The following GAS7 variants were observed in gnomAD, a reference collection of about 807,000 sequenced individuals.
The protein encoded by GAS7 is growth arrest specific 7.
In GAS7, 28 loss-of-function variants were observed where a neutral mutation model predicts 71.1. The ratio of observed to expected loss-of-function variants is 0.39; its 90% CI spans 0.29 to 0.54. GAS7 has a LOEUF of 0.54. Ranked by LOEUF, GAS7 falls within the 20% of genes least tolerant of loss-of-function variation. The pLI is 0.62. For synonymous variants in GAS7, 258 were observed against 245.8 expected (o/e 1.05, Z -0.46); for missense variants, 436 against 627.8 (o/e 0.69, Z 3.27).
chr17:10,038,564 G>A (rs1477975076), intron 1 of GAS7, among the ~76,000 whole-genome samples: 1 of 151,996 alleles, frequency 6.6e-6, no homozygotes, highest in Admixed American at 6.6e-5. Context: ...AGAACTGAAA[G>A]CAGAGTCCTG....
intron 8 of GAS7, among the ~76,000 whole-genome samples, chr17:9,939,710 C>T (rs947482018): frequency 6.6e-6 from 1 of 151,924 alleles, no homozygotes; most frequent in East Asian, 1.9e-4. Flanking sequence ...CCTGGGTTCA[C>T]GCCATTCTCC....
At chr17:10,005,035 A>G (rs539978630) in intron 2 of GAS7, among the ~76,000 whole-genome samples, 72 of 137,414 alleles carry the variant, frequency 5.2e-4, no homozygotes, top group Middle Eastern at 3.6e-3. Context: ...CTCTCTATAT[A>G]TACATACATA....
chr17:10,110,255 C>T (rs902492712), intron 1 of GAS7, among the ~76,000 whole-genome samples: 1 of 151,856 alleles, frequency 6.6e-6, no homozygotes, highest in Non-Finnish European at 1.5e-5. Flanking sequence ...GCAACATGAA[C>T]GGAACTGGAG....
At chr17:10,187,466 T>C (rs559443103) in intron 1 of GAS7, among the ~76,000 whole-genome samples, 1 of 152,368 alleles carries the variant, frequency 6.6e-6, no homozygotes, top group East Asian at 1.9e-4. Flanking sequence ...AGGTAGGACC[T>C]CTTTTTTAGC....
At position 9,917,352 on chromosome 17, in the gene GAS7, CAG is replaced by C. The variant is rs1322951972; in HGVS notation, c.1318-13_1318-12del. 1.3e-6 allele frequency: 2 copies of C among 1,593,506 alleles called. No homozygotes were observed. Among genetic ancestry groups the C allele is most frequent in the South Asian group, 1.1e-5 (1 of 90,678 alleles). On this transcript the variant is annotated splice_polypyrimidine_tract_variant and intron_variant, in intron 13 of 13. Coordinates refer to ENST00000432992, the MANE Select transcript of GAS7 (RefSeq NM_201433.2). ...CACGGGCTCGACTGTCTGCAAGAGA[CAG>C]AGAAAATGCGACACTGTTAGAGACG...
At chr17:9,991,852 C>A (rs1255566076) in intron 2 of GAS7, among the ~76,000 whole-genome samples, 1 of 151,648 alleles carries the variant, frequency 6.6e-6, no homozygotes, top group Non-Finnish European at 1.5e-5. Flanking sequence ...CATATGACTC[C>A]CATCTTATGG....
At chr17:10,008,789 A>ACACACACG (rs753918022) in intron 2 of GAS7, among the ~76,000 whole-genome samples, 3 of 152,102 alleles carry the variant, frequency 2.0e-5, no homozygotes, top group African/African-American at 4.8e-5. Flanking sequence ...TCTCTCTCAC[A>ACACACACG]CACACACGCA....
chr17:9,995,540 CA>C (rs34223707), intron 2 of GAS7, among the ~76,000 whole-genome samples: 60,511 of 142,738 alleles, frequency 0.42, 13,002 homozygotes, highest in Admixed American at 0.57. Context: ...TGATCAATAA[CA>C]AAAAAAAAAA....
intron 1 of GAS7, among the ~76,000 whole-genome samples, chr17:10,175,771 A>G (rs1272453656): frequency 6.6e-6 from 1 of 152,192 alleles, no homozygotes; most frequent in Non-Finnish European, 1.5e-5. Flanking sequence ...AAGGGTTAGG[A>G]TTACAGGCAT....
At chr17:10,093,000 A>G (rs1422579900) in intron 1 of GAS7, among the ~76,000 whole-genome samples, 1 of 152,214 alleles carries the variant, frequency 6.6e-6, no homozygotes, top group East Asian at 1.9e-4. Flanking sequence ...ATATAAGGTA[A>G]GTTCACAGAC....
At position 10,095,683 on chromosome 17, in the gene GAS7, G is replaced by C. The variant is rs2285324; in HGVS notation, c.184-75786C>G. On this transcript the variant is annotated intron_variant, in intron 1 of 13. Transcript: ENST00000432992. Reference sequence around the variant, plus strand: ...AAAAATACAAAAATTAGCTGGGCATGGTGGTGCATGCCTGTAATCCCAGCT... The same window carrying C: ...AAAAATACAAAAATTAGCTGGGCATCGTGGTGCATGCCTGTAATCCCAGCT... 0.016 allele frequency among the ~76,000 whole-genome samples: 2,387 copies of C among 151,962 alleles called. 276 individuals carry two copies. The East Asian group carries it at 0.28, about 18-fold the overall frequency.
At chr17:9,975,397 TGAA>T in intron 3 of GAS7, among the ~76,000 whole-genome samples, 1 of 152,188 alleles carries the variant, frequency 6.6e-6, no homozygotes, top group East Asian at 1.9e-4. Context: ...CCCGGAGTGC[TGAA>T]GCCCTGGTTC....
chr17:10,038,166 C>T (rs1046937099), intron 1 of GAS7, among the ~76,000 whole-genome samples: 8 of 151,890 alleles, frequency 5.3e-5, no homozygotes, highest in Admixed American at 2.0e-4. Context: ...AAGACCAACC[C>T]GGCCAACGTG....
intron 1 of GAS7, among the ~76,000 whole-genome samples, chr17:10,099,617 C>A (rs1427490224): frequency 1.3e-5 from 2 of 152,086 alleles, no homozygotes; most frequent in African/African-American, 2.4e-5. Flanking sequence ...AGGAAAGAGA[C>A]CCATCCTGGG....
chr17:10,086,144 C>T (rs909795066), intron 1 of GAS7, among the ~76,000 whole-genome samples: 1 of 152,200 alleles, frequency 6.6e-6, no homozygotes, highest in Non-Finnish European at 1.5e-5. Flanking sequence ...GCCTTGGTGC[C>T]TGAGGAATGG....
rs1172962799 is a variant in GAS7, at chr17:10,050,640, G to T, written c.184-30743C>A. On this transcript the variant is annotated intron_variant, in intron 1 of 13. Coordinates refer to ENST00000432992, the MANE Select transcript of GAS7 (RefSeq NM_201433.2). ...AAGGTGACCCTCTCCATCAGGCCCA[G>T]CTCTCTTCTCCTGAAGCACAAGCTA... is the stretch of plus-strand genomic sequence containing the variant. Among the ~76,000 whole-genome samples the T allele has an allele frequency of 2.0e-5, 3 of 152,140 alleles. 1 individual carries two copies. Among genetic ancestry groups the T allele is most frequent in the African/African-American group, 7.2e-5 (3 of 41,440 alleles).
chr17:10,085,891 C>T (rs1277413607), intron 1 of GAS7, among the ~76,000 whole-genome samples: 1 of 151,520 alleles, frequency 6.6e-6, no homozygotes, highest in African/African-American at 2.4e-5. Flanking sequence ...TCCTGAGTGA[C>T]AGAGCCAGAA....
intron 1 of GAS7, among the ~76,000 whole-genome samples, chr17:10,046,412 G>A (rs1490395007): frequency 1.3e-5 from 2 of 150,066 alleles, no homozygotes; most frequent in South Asian, 2.1e-4. Flanking sequence ...AAAAAAACTC[G>A]AGAACCATGA....
At position 10,198,192 on chromosome 17, in the gene GAS7, G is replaced by T; in HGVS notation, c.183+16C>A. 1 of 1,605,076 alleles carries T rather than the reference G, an allele frequency of 6.2e-7. No individual in the cohort carries two copies. On this transcript the variant is annotated intron_variant, in intron 1 of 13. Coordinates refer to ENST00000432992, the MANE Select transcript of GAS7 (RefSeq NM_201433.2). ...CCGCAGCCCCGGCTCCTACAGCCCCGGCCCTCGCCCCTTACCTCCAGCAAC... is the reference window on the plus strand; with the variant it reads ...CCGCAGCCCCGGCTCCTACAGCCCCTGCCCTCGCCCCTTACCTCCAGCAAC...
Sources: allele counts gnomAD v4.1 joint callset (sites outside exome capture counted in the v4.1 genomes callset), GRCh38; gene constraint gnomAD v4.1.1; transcripts MANE v1.5; gene names NCBI Gene and HGNC (gene_info 2026-07-23, HGNC 2026-07-21).